PRSS54: variants seen among roughly 807,000 people sequenced by gnomAD.
PRSS54 encodes inactive serine protease 54.
Under a neutral mutation model 19.9 loss-of-function variants are expected in PRSS54, and 16 were observed. The ratio of observed to expected loss-of-function variants is 0.80; its 90% CI spans 0.54 to 1.22. The LOEUF is 1.22. Among genes scored for constraint, PRSS54 ranks in the 50% most tolerant of loss-of-function variants. The pLI is 0.00. For missense variants in PRSS54, 444 were observed against 494.8 expected, an observed-to-expected ratio of 0.90 and a Z score of 0.97; for synonymous variants, 177 against 195.8, an observed-to-expected ratio of 0.90 and a Z score of 0.80.
At position 58,280,276 on chromosome 16, in the gene PRSS54, TC is replaced by T; in HGVS notation, c.1135del (p.Glu379LysfsTer26). On this transcript the variant is annotated frameshift_variant, in exon 7 of 7. Transcript: ENST00000567164. LOFTEE classifies it high-confidence loss of function. ...FAGQNRLYQP[E>X]EIILVSFVLV... The stretch of plus-strand genomic sequence containing the variant: ...CACGAAGGAAACCAAGATGATTTCT[TC>T]GGGCTGATACAACCTGTTCTGACCT... 6.2e-7 allele frequency: 1 copy of T among 1,613,980 alleles called. No homozygotes were observed. The highest frequency in any genetic ancestry group is 8.5e-7 in the Non-Finnish European group (1 of 1,179,978).
Position 58,280,123 on chromosome 16 carries a change from C to T in PRSS54, c.*101G>A. ...TGCCATGGGCTTATCCGTGGCAGCCCCAGTGTGCAACTATCAAAAACAGAC... is the reference window on the plus strand; with the variant it reads ...TGCCATGGGCTTATCCGTGGCAGCCTCAGTGTGCAACTATCAAAAACAGAC... On this transcript the variant is annotated 3_prime_UTR_variant, in exon 7 of 7. Coordinates refer to ENST00000567164, the MANE Select transcript of PRSS54 (RefSeq NM_001305173.2). 2 of 1,224,526 alleles carry T rather than the reference C, an allele frequency of 1.6e-6. No individual in the cohort carries two copies. Among genetic ancestry groups the T allele is most frequent in the African/African-American group, 3.1e-5 (2 of 65,512 alleles). The allele number at this position is 1,224,526 out of a possible 1,614,324, so 75.9% of individuals were successfully genotyped here.
In PRSS54 at chr16:58,294,138, T is replaced by C. The variant is rs929429615; in HGVS notation, c.-160A>G. 6 of 314,960 alleles carry C rather than the reference T, an allele frequency of 1.9e-5. No individual in the cohort carries two copies. The highest frequency in any genetic ancestry group is 3.6e-5 in the Non-Finnish European group (6 of 166,942). 19.5% of individuals were successfully genotyped at this position (314,960 alleles called of 1,614,324 possible). ...CAAGCCCCTGAGCACCCCAGAGAGT[T>C]GGGTCTCTGAAAAGGGCTGCTTTTT... On this transcript the variant is annotated 5_prime_UTR_variant, in exon 2 of 7. Transcript: ENST00000567164.
chr16:58,294,884 C>G lies in PRSS54; in HGVS notation c.-232+3G>C, dbSNP rs938120450. The G allele has an allele frequency of 6.5e-6, 1 of 152,746 alleles. No homozygotes were observed. The highest frequency in any genetic ancestry group is 1.5e-5 in the Non-Finnish European group (1 of 68,120). 9.5% of individuals were successfully genotyped at this position (152,746 alleles called of 1,614,324 possible). On this transcript the variant is annotated splice_donor_region_variant and intron_variant, in intron 1 of 6. Coordinates refer to ENST00000567164, the MANE Select transcript of PRSS54 (RefSeq NM_001305173.2). ...GGAACCCATGTGCACAGTTCTAAGT[C>G]ACCATGTTCCACTCATGACACTGGA...
At chr16:58,284,797 ATAGCC>A in intron 5 of PRSS54, 76 bp from the exon 6 acceptor site, 1 of 1,540,776 alleles carries the variant, frequency 6.5e-7, no homozygotes, top group Non-Finnish European at 8.9e-7. Context: ...TCCCACTCAT[ATAGCC>A]AAACGAGAGT....
rs767499605 is a variant in PRSS54 at position 58,291,055 on chromosome 16, A to G, written c.167T>C (p.Val56Ala). 4.3e-6 allele frequency: 7 copies of G among 1,614,110 alleles called. No homozygotes were observed. Among genetic ancestry groups the G allele is most frequent in the Non-Finnish European group, 5.9e-6 (7 of 1,180,024 alleles). The change falls in exon 4 of 7, where the codon GTG (valine) becomes GCG (alanine). Residue 56 changes from valine (V) to alanine (A), a missense_variant. By Grantham distance (64) the Val-to-Ala change is moderately conservative. Coordinates refer to ENST00000567164, the MANE Select transcript of PRSS54 (RefSeq NM_001305173.2). ...GLVSSMEFPW[V>A]VSLQDSQYTH... is the part of the protein sequence containing the mutation. ...GTACTGGGAGTCCTGCAGCGACACCACCCACGGGAACTCCATGCTGCTGAC... is the reference window on the plus strand; with the variant it reads ...GTACTGGGAGTCCTGCAGCGACACCGCCCACGGGAACTCCATGCTGCTGAC...
intron 4 of PRSS54, among the ~76,000 whole-genome samples, chr16:58,288,463 C>A (rs1213330754): frequency 6.6e-6 from 1 of 152,002 alleles, no homozygotes; most frequent in African/African-American, 2.4e-5. Context: ...AAATAAAGCT[C>A]TGACTTTAAT....
Position 58,291,113 on chromosome 16 carries a change from C to G in PRSS54, c.109G>C (p.Val37Leu), listed in dbSNP as rs1372652352. 4 of 1,613,962 alleles carry G rather than the reference C, an allele frequency of 2.5e-6. No individual in the cohort carries two copies. In the African/African-American group the frequency reaches 4.0e-5, roughly 16 times the overall value. ...STSCGVQKAS[V>L]FYGPDPKEGL... ...TCCTTGGGGTCAGGACCGTAGAAAACGGAAGCTTTCTGGACGCCACAACCT... is the reference window on the plus strand; with the variant it reads ...TCCTTGGGGTCAGGACCGTAGAAAAGGGAAGCTTTCTGGACGCCACAACCT... The change falls in exon 4 of 7, where the codon GTT becomes CTT. Residue 37 changes from valine (V) to leucine (L), a missense_variant. By Grantham distance (32) the Val-to-Leu change is conservative. Transcript: ENST00000567164.
At chr16:58,290,923 G>A (rs1382476365) in intron 4 of PRSS54, 36 bp downstream of exon 4, 12 of 1,608,540 alleles carry the variant, frequency 7.5e-6, no homozygotes, top group Middle Eastern at 1.7e-4. Flanking sequence ...CCTCACCCCC[G>A]GCGATGTTGC....
chr16:58,284,669 A>G lies in PRSS54; in HGVS notation c.575T>C (p.Leu192Pro). The change falls in exon 6 of 7, where the codon CTT (leucine) becomes CCT (proline). Residue 192 changes from leucine to proline, a missense_variant. Physicochemically the swap from Leu to Pro is moderately conservative, Grantham distance 98. Transcript: ENST00000567164. Reference sequence around the variant, plus strand: ...GAGTTTGTATAGGGGACACATGTCAAGATCTTTCACGAAGATTTTCCTCAG... The same window carrying G: ...GAGTTTGTATAGGGGACACATGTCAGGATCTTTCACGAAGATTTTCCTCAG... ...SVLRKIFVKD[L>P]DMCPLYKLQK... 6.2e-7 allele frequency: 1 copy of G among 1,614,130 alleles called. No homozygotes were observed. The highest frequency in any genetic ancestry group is 8.5e-7 in the Non-Finnish European group (1 of 1,180,006).
chr16:58,280,874 TG>T, intron 6 of PRSS54, 117 bp from the exon 7 acceptor site: 1 of 922,390 alleles, frequency 1.1e-6, no homozygotes, highest in Non-Finnish European at 1.6e-6. Flanking sequence ...TCACTGGAAA[TG>T]GGGCAAATTA....
chr16:58,290,907 C>A, intron 4 of PRSS54, 52 bp downstream of exon 4: 1 of 1,595,038 alleles, frequency 6.3e-7, no homozygotes, highest in Non-Finnish European at 8.6e-7. Flanking sequence ...ACAGGGTCGC[C>A]CCCACCCTCA....
chr16:58,286,301 C>T, intron 4 of PRSS54, 106 bp from the exon 5 acceptor site: 1 of 1,205,742 alleles, frequency 8.3e-7, no homozygotes, highest in Non-Finnish European at 1.2e-6. Context: ...TCATCCAGCT[C>T]ATATTTCCTG....
At chr16:58,282,475 G>A (rs1964788496) in intron 6 of PRSS54, 2 of 152,358 alleles carry the variant, frequency 1.3e-5, no homozygotes, top group Non-Finnish European at 2.9e-5. Context: ...TTCCAAGGAA[G>A]CCACACCAGA....
Position 58,280,605 on chromosome 16 carries a change from C to G in PRSS54, c.807G>C (p.Glu269Asp). ...DYSKWITSKAERAGPPLSSLH... is the reference protein window; with the variant it reads ...DYSKWITSKADRAGPPLSSLH... Reference sequence around the variant, plus strand: ...GTGAGGACAGGGGAGGGCCGGCCCTCTCAGCCTTGGATGTGATCCATTTGC... The same window carrying G: ...GTGAGGACAGGGGAGGGCCGGCCCTGTCAGCCTTGGATGTGATCCATTTGC... Residue 269 changes from glutamate (E) to aspartate (D), a missense_variant, in exon 7 of 7, where the codon GAG (glutamate) becomes GAC (aspartate). Transcript: ENST00000567164. The G allele has an allele frequency of 6.2e-7, 1 of 1,614,158 alleles. No homozygotes were observed. Among genetic ancestry groups the G allele is most frequent in the Non-Finnish European group, 8.5e-7 (1 of 1,180,036 alleles).
At position 58,291,085 on chromosome 16, in the gene PRSS54, C is replaced by A. The variant is rs765303605; in HGVS notation, c.137G>T (p.Gly46Val). 35 of 1,614,074 alleles carry A rather than the reference C, an allele frequency of 2.2e-5. No homozygotes were observed. Among genetic ancestry groups the A allele is most frequent in the Non-Finnish European group, 3.0e-5 (35 of 1,180,046 alleles). Reference sequence around the variant, plus strand: ...CGGGAACTCCATGCTGCTGACCAAGCCCTCCTTGGGGTCAGGACCGTAGAA... The same window carrying A: ...CGGGAACTCCATGCTGCTGACCAAGACCTCCTTGGGGTCAGGACCGTAGAA... Reference protein sequence around the residue: ...SVFYGPDPKEGLVSSMEFPWV... With the variant: ...SVFYGPDPKEVLVSSMEFPWV... The change falls in exon 4 of 7, where the codon GGC becomes GTC. Residue 46 changes from glycine to valine, a missense_variant. Physicochemically the swap from Gly to Val is moderately radical, Grantham distance 109. Coordinates refer to ENST00000567164, the MANE Select transcript of PRSS54 (RefSeq NM_001305173.2).
chr16:58,288,614 T>C, intron 4 of PRSS54, among the ~76,000 whole-genome samples: 1 of 152,140 alleles, frequency 6.6e-6, no homozygotes, highest in African/African-American at 2.4e-5. Flanking sequence ...AATGCATGTC[T>C]TTCTTAGCCC....
At chr16:58,290,812 C>T (rs1004727189) in intron 4 of PRSS54, 147 bp downstream of exon 4, 10 of 840,944 alleles carry the variant, frequency 1.2e-5, no homozygotes, top group African/African-American at 1.7e-5. Flanking sequence ...GAATTTAGGG[C>T]TCACGACAGA....
At position 58,280,735 on chromosome 16, in the gene PRSS54, AT is replaced by A. The variant is rs1348907029; in HGVS notation, c.676del (p.Met226CysfsTer12). 1 of 1,606,256 alleles carries A rather than the reference AT, an allele frequency of 6.2e-7. No individual in the cohort carries two copies. Among genetic ancestry groups the A allele is most frequent in the African/African-American group, 1.3e-5 (1 of 74,744 alleles). Reference sequence around the variant, plus strand: ...CAGATCGAACTGCTGTAGCTGGCACATCATTGGGCTTCCTGGGTCCCCCTGT... The same window carrying A: ...CAGATCGAACTGCTGTAGCTGGCACACATTGGGCTTCCTGGGTCCCCCTGT... The part of the protein sequence containing the change: ...ACLGDPGSPM[M>X]CQLQQFDLWV... On this transcript the variant is annotated frameshift_variant, in exon 7 of 7. Transcript: ENST00000567164. LOFTEE classifies it low-confidence loss of function (END_TRUNC).
At chr16:58,281,027 A>T (rs967135357) in intron 6 of PRSS54, 11 of 432,438 alleles carry the variant, frequency 2.5e-5, no homozygotes, top group African/African-American at 2.2e-4. Flanking sequence ...GCCCCTTTCC[A>T]GTCCTTTGGC....
Sources: allele counts gnomAD v4.1 joint callset (sites outside exome capture counted in the v4.1 genomes callset), GRCh38; gene constraint gnomAD v4.1.1; transcripts MANE v1.5; gene names NCBI Gene and HGNC (gene_info 2026-07-23, HGNC 2026-07-21).